Variants in KCTD16 observed in about 807,000 individuals in gnomAD.
KCTD16 encodes BTB/POZ domain-containing protein KCTD16.
A neutral mutation model predicts 33.2 loss-of-function variants in KCTD16; 13 were observed. The ratio of observed to expected loss-of-function variants is 0.39; its 90% CI spans 0.25 to 0.62. KCTD16 has a LOEUF of 0.62. KCTD16 is among the 20% of genes least tolerant of loss of function. The pLI is 0.50. For missense variants in KCTD16, 441 were observed against 525.1 expected, an observed-to-expected ratio of 0.84 and a Z score of 1.57; for synonymous variants, 197 against 195.3, an observed-to-expected ratio of 1.01 and a Z score of -0.07.
intron 2 of KCTD16, among the ~76,000 whole-genome samples, chr5:144,189,845 A>G (rs1233191259): frequency 6.6e-6 from 1 of 152,130 alleles, no homozygotes; most frequent in Non-Finnish European, 1.5e-5. Context: ...AGACTGCTAT[A>G]TTGTTATTTC....
At chr5:144,430,157 A>T (rs1753426704) in intron 3 of KCTD16, among the ~76,000 whole-genome samples, 1 of 152,140 alleles carries the variant, frequency 6.6e-6, no homozygotes, top group Admixed American at 6.6e-5. Context: ...TTAACAAAGC[A>T]AGTCAACAAC....
intron 3 of KCTD16, among the ~76,000 whole-genome samples, chr5:144,243,934 G>GTATTTTTT (rs1754476969): frequency 6.6e-6 from 1 of 151,914 alleles, no homozygotes; most frequent in African/African-American, 2.4e-5. Flanking sequence ...TAGTAGAGAC[G>GTATTTTTT]GGGTTTCACC....
chr5:144,438,082 C>A (rs1252306919), intron 3 of KCTD16, among the ~76,000 whole-genome samples: 2 of 151,968 alleles, frequency 1.3e-5, no homozygotes, highest in Non-Finnish European at 2.9e-5. Flanking sequence ...ATATTAAATA[C>A]AATATATTAG....
At chr5:144,420,455 G>T (rs1201361352) in intron 3 of KCTD16, among the ~76,000 whole-genome samples, 4 of 152,028 alleles carry the variant, frequency 2.6e-5, no homozygotes, top group Non-Finnish European at 5.9e-5. Context: ...GGCTGATTGG[G>T]TCTGGGAGAT....
At chr5:144,182,319 A>G (rs1752642723) in intron 2 of KCTD16, among the ~76,000 whole-genome samples, 2 of 152,214 alleles carry the variant, frequency 1.3e-5, no homozygotes. Context: ...TGATAAGCCA[A>G]ATAAAATTCT....
At chr5:144,200,516 C>T (rs905345314) in intron 2 of KCTD16, among the ~76,000 whole-genome samples, 8 of 152,218 alleles carry the variant, frequency 5.3e-5, no homozygotes, top group African/African-American at 1.9e-4. Flanking sequence ...TAGCAAATTA[C>T]TTCCTAGAAT....
chr5:144,307,509 A>C (rs1751634324), intron 3 of KCTD16, among the ~76,000 whole-genome samples: 1 of 152,208 alleles, frequency 6.6e-6, no homozygotes, highest in Non-Finnish European at 1.5e-5. Flanking sequence ...CCAAGTGCTT[A>C]ACATACATTA....
chr5:144,461,335 A>T (rs917533510), intron 3 of KCTD16, among the ~76,000 whole-genome samples: 3 of 151,856 alleles, frequency 2.0e-5, no homozygotes, highest in African/African-American at 4.8e-5. Context: ...CCATACCCCC[A>T]CTTCCCAGCC....
chr5:144,481,862 T>A lies in KCTD16; in HGVS notation c.*7748T>A, dbSNP rs1216904321. On this transcript the variant is annotated 3_prime_UTR_variant, in exon 4 of 4. Coordinates refer to ENST00000512467, the MANE Select transcript of KCTD16 (RefSeq NM_020768.4). ...TAGAATTATGGTTTAAATATCCAGTTATAAATAATATATATTACAGATTTA... is the reference window on the plus strand; with the variant it reads ...TAGAATTATGGTTTAAATATCCAGTAATAAATAATATATATTACAGATTTA... 6.6e-6 allele frequency: 1 copy of A among 151,948 alleles called. No individual in the cohort carries two copies. Among genetic ancestry groups the A allele is most frequent in the African/African-American group, 2.4e-5 (1 of 41,408 alleles). The allele number at this position is 151,948 out of a possible 1,614,324, so 9.4% of individuals were successfully genotyped here.
At chr5:144,306,665 C>T (rs1444351135) in intron 3 of KCTD16, among the ~76,000 whole-genome samples, 1 of 152,210 alleles carries the variant, frequency 6.6e-6, no homozygotes, top group East Asian at 1.9e-4. Context: ...GACTTGGGCT[C>T]TGAAGACCTA....
At chr5:144,198,935 C>T (rs1752989058) in intron 2 of KCTD16, among the ~76,000 whole-genome samples, 1 of 152,198 alleles carries the variant, frequency 6.6e-6, no homozygotes, top group Non-Finnish European at 1.5e-5. Context: ...GTACCTCTTT[C>T]AAACTCTGTT....
chr5:144,317,443 T>C (rs1751950344), intron 3 of KCTD16, among the ~76,000 whole-genome samples: 1 of 152,208 alleles, frequency 6.6e-6, no homozygotes, highest in African/African-American at 2.4e-5. Flanking sequence ...CCTCAGACTC[T>C]CTGGGAATGG....
At chr5:144,229,540 G>T (rs893739386) in intron 3 of KCTD16, among the ~76,000 whole-genome samples, 3 of 152,136 alleles carry the variant, frequency 2.0e-5, no homozygotes, top group Non-Finnish European at 4.4e-5. Context: ...TATCGAAAGG[G>T]CCACAAATTA....
At chr5:144,213,222 A>G (rs1753452475) in intron 3 of KCTD16, among the ~76,000 whole-genome samples, 1 of 152,040 alleles carries the variant, frequency 6.6e-6, no homozygotes. Context: ...TTTGTTTGCT[A>G]ATTTTCTTTT....
chr5:144,328,991 T>C (rs1752284523), intron 3 of KCTD16, among the ~76,000 whole-genome samples: 1 of 152,154 alleles, frequency 6.6e-6, no homozygotes, highest in Non-Finnish European at 1.5e-5. Flanking sequence ...GAACTATAAA[T>C]ATGATCACCC....
At chr5:144,423,877 AAAG>A (rs1753264780) in intron 3 of KCTD16, among the ~76,000 whole-genome samples, 1 of 152,150 alleles carries the variant, frequency 6.6e-6, no homozygotes, top group Non-Finnish European at 1.5e-5. Context: ...CACATTGGAA[AAAG>A]AAGAATTGTC....
chr5:144,213,066 A>G (rs1270033876), intron 3 of KCTD16, among the ~76,000 whole-genome samples: 1 of 152,102 alleles, frequency 6.6e-6, no homozygotes, highest in Non-Finnish European at 1.5e-5. Flanking sequence ...ATGGTATTCT[A>G]CCATATACCA....
chr5:144,243,758 A>T (rs1488817437), intron 3 of KCTD16, among the ~76,000 whole-genome samples: 1 of 151,274 alleles, frequency 6.6e-6, no homozygotes, highest in Non-Finnish European at 1.5e-5. Flanking sequence ...TGTTTTTTTT[A>T]GAGAGAGAGA....
chr5:144,297,654 C>T (rs1424460825), intron 3 of KCTD16, among the ~76,000 whole-genome samples: 2 of 152,186 alleles, frequency 1.3e-5, no homozygotes, highest in East Asian at 1.9e-4. Context: ...ATCGCATCCA[C>T]CTTTCAACAT....
Sources: allele counts gnomAD v4.1 joint callset (sites outside exome capture counted in the v4.1 genomes callset), GRCh38; gene constraint gnomAD v4.1.1; transcripts MANE v1.5; gene names NCBI Gene and HGNC (gene_info 2026-07-23, HGNC 2026-07-21).